MAML3: variants seen among roughly 807,000 people sequenced by gnomAD.
The protein encoded by MAML3 is mastermind like transcriptional coactivator 3, also known as mastermind-like protein 3.
In MAML3, 27 loss-of-function variants were observed where a neutral mutation model predicts 101.9. The observed-to-expected ratio is 0.27, with a 90% confidence interval of 0.20 to 0.37. MAML3 has a LOEUF of 0.37. Ranked by LOEUF, MAML3 falls within the 10% of genes least tolerant of loss-of-function variation. MAML3 has a pLI of 1.00. For synonymous variants in MAML3, 501 were observed against 555.9 expected, an observed-to-expected ratio of 0.90 and a Z score of 1.39; for missense variants, 1,316 against 1,444.9, an observed-to-expected ratio of 0.91 and a Z score of 1.45.
intron 2 of MAML3, among the ~76,000 whole-genome samples, chr4:139,806,740 T>C (rs1730706573): frequency 1.3e-5 from 2 of 152,306 alleles, no homozygotes; most frequent in African/African-American, 4.8e-5. Context: ...GGGAAAATTA[T>C]GCAGGCATTA....
chr4:139,989,866 CACACACACACACACACAGAG>C (rs754286435), intron 1 of MAML3, among the ~76,000 whole-genome samples: 1,828 of 91,644 alleles, frequency 0.02, 16 homozygotes, highest in Middle Eastern at 0.034. Flanking sequence ...CACACACACA[CACACACACACACACACAGAG>C]AGAGAGAGAG....
chr4:139,933,494 C>T (rs1360344452), intron 1 of MAML3, among the ~76,000 whole-genome samples: 1 of 152,148 alleles, frequency 6.6e-6, no homozygotes, highest in African/African-American at 2.4e-5. Flanking sequence ...ACGGAAAAGC[C>T]TCCTTCTCAT....
chr4:139,870,674 C>A (rs1235554212), intron 2 of MAML3, among the ~76,000 whole-genome samples: 1 of 152,096 alleles, frequency 6.6e-6, no homozygotes, highest in African/African-American at 2.4e-5. Flanking sequence ...CAGGGTCTCA[C>A]TCTGTCGCCC....
At chr4:140,009,177 T>C (rs796807810) in intron 1 of MAML3, among the ~76,000 whole-genome samples, 2 of 152,324 alleles carry the variant, frequency 1.3e-5, no homozygotes, top group East Asian at 1.9e-4. Context: ...CCTGTGCCTA[T>C]TGTTACAAGT....
chr4:139,782,147 A>G lies in MAML3; in HGVS notation c.2080-51480T>C, dbSNP rs1043313658. Among the ~76,000 whole-genome samples the G allele has an allele frequency of 9.2e-5, 14 of 152,306 alleles. No individual in the cohort carries two copies. The East Asian group carries it at 2.7e-3, about 29-fold the overall frequency. On this transcript the variant is annotated intron_variant, in intron 2 of 4. Transcript: ENST00000509479. ...AAAAAAATCAGCCAAACATTTTTCAATACTTTCACTGACTTTTTATTATGA... is the reference window on the plus strand; with the variant it reads ...AAAAAAATCAGCCAAACATTTTTCAGTACTTTCACTGACTTTTTATTATGA...
At chr4:140,116,100 A>C (rs1415823064) in intron 1 of MAML3, among the ~76,000 whole-genome samples, 1 of 152,190 alleles carries the variant, frequency 6.6e-6, no homozygotes, top group Admixed American at 6.5e-5. Context: ...GATTATTCTA[A>C]ATAAAAGTAG....
intron 2 of MAML3, among the ~76,000 whole-genome samples, chr4:139,886,158 T>C (rs1358177977): frequency 6.6e-6 from 1 of 151,792 alleles, no homozygotes; most frequent in Non-Finnish European, 1.5e-5. Context: ...AGAAACTGAG[T>C]GTGGGAGGCA....
chr4:140,023,340 C>T (rs1024760520), intron 1 of MAML3, among the ~76,000 whole-genome samples: 13 of 152,204 alleles, frequency 8.5e-5, no homozygotes, highest in Admixed American at 2.0e-4. Flanking sequence ...CCATGTGCTT[C>T]CATGGCCATC....
chr4:139,768,303 T>G (rs1402677968), intron 2 of MAML3, among the ~76,000 whole-genome samples: 1 of 151,902 alleles, frequency 6.6e-6, no homozygotes, highest in African/African-American at 2.4e-5. Context: ...TGATAATTTT[T>G]GTTTTTGTTG....
chr4:139,776,744 A>G (rs1730104332), intron 2 of MAML3, among the ~76,000 whole-genome samples: 2 of 152,248 alleles, frequency 1.3e-5, no homozygotes, highest in South Asian at 4.1e-4. Flanking sequence ...AGGGCCAAGG[A>G]TCAGCCAGAT....
intron 1 of MAML3, among the ~76,000 whole-genome samples, chr4:139,920,141 A>C (rs1227651111): frequency 1.3e-5 from 2 of 152,160 alleles, no homozygotes; most frequent in Non-Finnish European, 2.9e-5. Flanking sequence ...TAATGACTCT[A>C]GTTATTTTTT....
At chr4:140,049,029 T>C (rs1450556531) in intron 1 of MAML3, among the ~76,000 whole-genome samples, 1 of 152,164 alleles carries the variant, frequency 6.6e-6, no homozygotes, top group African/African-American at 2.4e-5. Flanking sequence ...AAAGCAGATA[T>C]GCAGGTCAAC....
At chr4:139,776,893 T>G (rs1249224647) in intron 2 of MAML3, among the ~76,000 whole-genome samples, 3 of 152,106 alleles carry the variant, frequency 2.0e-5, no homozygotes, top group Non-Finnish European at 2.9e-5. Context: ...TGTAAAAAAC[T>G]TATAGGGGCA....
chr4:139,802,306 T>C (rs968487562), intron 2 of MAML3, among the ~76,000 whole-genome samples: 4 of 152,188 alleles, frequency 2.6e-5, no homozygotes, highest in Admixed American at 1.3e-4. Context: ...CTCCCCGCAG[T>C]GTCTGGCTGC....
intron 1 of MAML3, among the ~76,000 whole-genome samples, chr4:140,065,905 T>G (rs1338426681): frequency 6.6e-6 from 1 of 152,190 alleles, no homozygotes; most frequent in Non-Finnish European, 1.5e-5. Context: ...ATGAAGAGGC[T>G]GCTCAATAAA....
intron 1 of MAML3, among the ~76,000 whole-genome samples, chr4:140,060,790 A>G (rs1020742354): frequency 7.2e-5 from 11 of 152,230 alleles, no homozygotes; most frequent in African/African-American, 2.7e-4. Context: ...TTTGTTATTC[A>G]TATAAAAGTA....
At chr4:140,055,803 C>T (rs1482463490) in intron 1 of MAML3, among the ~76,000 whole-genome samples, 1 of 151,892 alleles carries the variant, frequency 6.6e-6, no homozygotes, top group African/African-American at 2.4e-5. Flanking sequence ...ACCAAAGACC[C>T]AGATCCTAAC....
intron 1 of MAML3, among the ~76,000 whole-genome samples, chr4:140,026,914 AAAAT>A (rs756391176): frequency 1.2e-4 from 18 of 152,176 alleles, no homozygotes; most frequent in Non-Finnish European, 1.9e-4. Context: ...TTAATATTAT[AAAAT>A]AAATAATGCT....
At chr4:140,092,523 C>T (rs1728077833) in intron 1 of MAML3, among the ~76,000 whole-genome samples, 1 of 152,118 alleles carries the variant, frequency 6.6e-6, no homozygotes, top group Non-Finnish European at 1.5e-5. Flanking sequence ...CTCCTGATCC[C>T]GGAGGCTGCA....
Sources: allele counts gnomAD v4.1 joint callset (sites outside exome capture counted in the v4.1 genomes callset), GRCh38; gene constraint gnomAD v4.1.1; transcripts MANE v1.5; gene names NCBI Gene and HGNC (gene_info 2026-07-23, HGNC 2026-07-21).